TUSC3: variants seen among roughly 807,000 people sequenced by gnomAD.
The protein encoded by TUSC3 is dolichyl-diphosphooligosaccharide--protein glycosyltransferase subunit TUSC3.
A neutral mutation model predicts 44.8 loss-of-function variants in TUSC3; 45 were observed. The ratio of observed to expected loss-of-function variants is 1.00; its 90% confidence interval spans 0.79 to 1.29. The LOEUF is 1.29. TUSC3 is among the 50% of genes most tolerant of loss of function. TUSC3 has a pLI of 0.00. For missense variants in TUSC3, 519 were observed against 437.9 expected (o/e 1.19, Z -1.65); for synonymous variants, 212 against 152.9 (o/e 1.39, Z -2.85).
At chr8:15,576,256 T>TG in intron 1 of TUSC3, among the ~76,000 whole-genome samples, 1 of 148,384 alleles carries the variant, frequency 6.7e-6, no homozygotes, top group South Asian at 2.1e-4. Context: ...TTTCTTTCTT[T>TG]TTTTTTTTTT....
At chr8:15,815,496 G>T in the TUSC3 span, among the ~76,000 whole-genome samples, 4 of 152,058 alleles carry the variant, frequency 2.6e-5, no homozygotes, top group African/African-American at 9.7e-5. Context: ...TTCTCCAGTG[G>T]GCCAGGAATA....
At chr8:15,746,531 A>T (rs555755602) in intron 8 of TUSC3, among the ~76,000 whole-genome samples, 3 of 152,072 alleles carry the variant, frequency 2.0e-5, no homozygotes, top group Non-Finnish European at 4.4e-5. Context: ...TCCTTTAATA[A>T]TTATTAACCC....
chr8:15,671,666 A>G (rs1807951265), intron 5 of TUSC3, among the ~76,000 whole-genome samples: 1 of 152,072 alleles, frequency 6.6e-6, no homozygotes, highest in African/African-American at 2.4e-5. Flanking sequence ...AACTGGTGAC[A>G]TACCGTAAAT....
At chr8:15,810,041 G>A in the TUSC3 span, among the ~76,000 whole-genome samples, 2 of 152,148 alleles carry the variant, frequency 1.3e-5, no homozygotes, top group Admixed American at 6.5e-5. Context: ...GATAATGTCT[G>A]TGCTGCTGGT....
chr8:15,517,377 C>A (rs1301679749), intron 2 of TUSC3, among the ~76,000 whole-genome samples: 1 of 151,904 alleles, frequency 6.6e-6, no homozygotes, highest in Non-Finnish European at 1.5e-5. Context: ...TATTGTATTG[C>A]CAATCCCAAT....
intron 1 of TUSC3, among the ~76,000 whole-genome samples, chr8:15,481,834 C>T (rs1267322991): frequency 2.6e-5 from 4 of 152,102 alleles, no homozygotes; most frequent in Non-Finnish European, 5.9e-5. Context: ...GCTGACTGAT[C>T]AGGGTAGTGG....
At chr8:15,417,283 C>A (rs754542425) in exon 1 of TUSC3, 5 of 152,518 alleles carry the variant, frequency 3.3e-5, no homozygotes, top group Non-Finnish European at 5.9e-5. Flanking sequence ...CTCAGCCATG[C>A]TTCCTGCATA....
intron 1 of TUSC3, among the ~76,000 whole-genome samples, chr8:15,621,416 T>TGGG (rs1483837008): frequency 6.7e-6 from 1 of 150,250 alleles, no homozygotes; most frequent in East Asian, 1.9e-4. Flanking sequence ...TCTACTGTTC[T>TGGG]GGGTATATTG....
chr8:15,506,926 C>T (rs962894973), intron 2 of TUSC3, among the ~76,000 whole-genome samples: 17 of 152,182 alleles, frequency 1.1e-4, no homozygotes, highest in African/African-American at 3.9e-4. Context: ...CTGTCTTGGT[C>T]GGCTAGGCTT....
At chr8:15,756,279 A>C (rs1005166982) in intron 9 of TUSC3, among the ~76,000 whole-genome samples, 1 of 152,094 alleles carries the variant, frequency 6.6e-6, no homozygotes, top group Non-Finnish European at 1.5e-5. Context: ...CTCTCTCTCT[A>C]TATTTAACTT....
downstream of TUSC3, among the ~76,000 whole-genome samples, chr8:15,771,590 A>G (rs1812439359): frequency 6.6e-6 from 1 of 152,200 alleles, no homozygotes; most frequent in Non-Finnish European, 1.5e-5. Context: ...TAAAAACTCT[A>G]CAGTGTATAA....
At chr8:15,817,725 C>T in the TUSC3 span, among the ~76,000 whole-genome samples, 1 of 152,198 alleles carries the variant, frequency 6.6e-6, no homozygotes, top group African/African-American at 2.4e-5. Flanking sequence ...GTCAATTAAA[C>T]CCCTTTCCTT....
chr8:15,851,318 G>C, the TUSC3 span, among the ~76,000 whole-genome samples: 2 of 152,104 alleles, frequency 1.3e-5, no homozygotes, highest in East Asian at 3.8e-4. Context: ...AAAGTCCCTG[G>C]TCTTAAGGAT....
the TUSC3 span, among the ~76,000 whole-genome samples, chr8:15,833,912 T>C: frequency 2.6e-5 from 4 of 152,112 alleles, no homozygotes; most frequent in African/African-American, 7.2e-5. Context: ...ACCATTAATA[T>C]AGAGAACGTT....
chr8:15,810,573 G>C, the TUSC3 span, among the ~76,000 whole-genome samples: 1 of 152,066 alleles, frequency 6.6e-6, no homozygotes, highest in Non-Finnish European at 1.5e-5. Context: ...AGGAGGTCAA[G>C]GCTGCAATGA....
chr8:15,727,554 A>G (rs1260365656), intron 6 of TUSC3, among the ~76,000 whole-genome samples: 2 of 152,286 alleles, frequency 1.3e-5, no homozygotes, highest in East Asian at 3.9e-4. Context: ...CTCGTAGGGT[A>G]TCTGGTTTTG....
At chr8:15,461,590 G>T (rs1223241294) in intron 1 of TUSC3, among the ~76,000 whole-genome samples, 1 of 151,936 alleles carries the variant, frequency 6.6e-6, no homozygotes, top group African/African-American at 2.4e-5. Flanking sequence ...AGTGGTGAGA[G>T]TGGGCATCCT....
At position 15,743,645 on chromosome 8, in the gene TUSC3, G is replaced by A. The variant is rs189694795; in HGVS notation, c.937+33G>A. The A allele has an allele frequency of 1.6e-5, 25 of 1,609,852 alleles. No individual in the cohort carries two copies. In the East Asian group the frequency reaches 3.6e-4, roughly 23 times the overall value. ...TCTGTGTTGCCATTTTTGTAATTTC[G>A]TTTTAGTCTTAAGATTCATTTAAGT... On this transcript the variant is annotated intron_variant, in intron 8 of 10. Coordinates refer to ENST00000503731, the MANE Select transcript of TUSC3 (RefSeq NM_006765.4).
intron 2 of TUSC3, among the ~76,000 whole-genome samples, chr8:15,493,500 C>T (rs1475350339): frequency 5.3e-5 from 8 of 152,070 alleles, no homozygotes; most frequent in African/African-American, 7.2e-5. Flanking sequence ...TGGCCTTAAG[C>T]GATCCTCCCA....
Sources: gnomAD v4.1 joint callset for allele counts (sites outside exome capture counted in the v4.1 genomes callset) on GRCh38, gnomAD v4.1.1 for gene constraint, MANE v1.5 for transcripts, NCBI Gene and HGNC (gene_info 2026-07-23, HGNC 2026-07-21) for gene names.